The following FHIT variants were observed in gnomAD, a reference collection of about 807,000 sequenced individuals.
FHIT encodes the protein bis(5'-adenosyl)-triphosphatase.
Under a neutral mutation model 17.9 loss-of-function variants are expected in FHIT, and 19 were observed. The observed-to-expected ratio is 1.06, with a 90% confidence interval of 0.74 to 1.56. The LOEUF (loss-of-function observed/expected upper bound fraction) is 1.56, where lower values mean the gene tolerates loss of function less well. Among genes scored for constraint, FHIT ranks in the 40% most tolerant of loss-of-function variants. The pLI, the probability that FHIT is intolerant of heterozygous loss-of-function variation, is 0.00. For synonymous variants in FHIT, 81 were observed against 69.7 expected, an observed-to-expected ratio of 1.16 and a Z score of -0.81; for missense variants, 248 against 189.2, an observed-to-expected ratio of 1.31 and a Z score of -1.82.
intron 5 of FHIT, among the ~76,000 whole-genome samples, chr3:60,107,404 C>A (rs990700786): frequency 6.6e-6 from 1 of 152,064 alleles, no homozygotes; most frequent in Non-Finnish European, 1.5e-5. Flanking sequence ...CAAACTGAGG[C>A]AGGATAAAAT....
At chr3:60,336,814 G>T (rs1710261928) in intron 5 of FHIT, among the ~76,000 whole-genome samples, 1 of 151,714 alleles carries the variant, frequency 6.6e-6, no homozygotes, top group Non-Finnish European at 1.5e-5. Context: ...AAGCAAATAG[G>T]GCAGAGGAAG....
At chr3:60,082,208 A>G (rs1703317993) in intron 5 of FHIT, among the ~76,000 whole-genome samples, 1 of 151,514 alleles carries the variant, frequency 6.6e-6, no homozygotes, top group Admixed American at 6.6e-5. Context: ...CTCACTTATA[A>G]GAGAGAACAT....
At chr3:60,565,079 G>C (rs190548391) in intron 4 of FHIT, among the ~76,000 whole-genome samples, 1 of 152,076 alleles carries the variant, frequency 6.6e-6, no homozygotes, top group Non-Finnish European at 1.5e-5. Flanking sequence ...ATTGAGGCAA[G>C]ACCTTCCCAT....
At chr3:60,266,923 G>A (rs1706605355) in intron 5 of FHIT, among the ~76,000 whole-genome samples, 1 of 152,054 alleles carries the variant, frequency 6.6e-6, no homozygotes, top group African/African-American at 2.4e-5. Flanking sequence ...ATTACATCCA[G>A]AGAAATCAAA....
At chr3:61,071,280 T>A (rs1266432124) in intron 2 of FHIT, among the ~76,000 whole-genome samples, 2 of 152,146 alleles carry the variant, frequency 1.3e-5, no homozygotes, top group African/African-American at 2.4e-5. Flanking sequence ...GTCCAAACAC[T>A]CTCACACATT....
Position 60,214,817 on chromosome 3 carries a change from C to A in FHIT, c.104-200665G>T, listed in dbSNP as rs9824900. 2.0e-5 allele frequency among the ~76,000 whole-genome samples: 3 copies of A among 151,976 alleles called. No individual in the cohort carries two copies. In the East Asian group the frequency reaches 5.8e-4, roughly 29 times the overall value. ...AAGAAAATGTGGTACATATATACCA[C>A]AGAATACTATGCAGCTGTAAAAAAA... On this transcript the variant is annotated intron_variant, in intron 5 of 9. Coordinates refer to ENST00000492590, the MANE Select transcript of FHIT (RefSeq NM_002012.4).
At chr3:60,652,727 CAAAAAAAAAAAAA>C (rs782637479) in intron 4 of FHIT, among the ~76,000 whole-genome samples, 1 of 59,018 alleles carries the variant, frequency 1.7e-5, no homozygotes, top group African/African-American at 6.2e-5. Context: ...GACTCCATCT[CAAAAAAAAAAAAA>C]AAAAAAAAAA....
chr3:60,945,006 G>A (rs913430100), intron 3 of FHIT, among the ~76,000 whole-genome samples: 1 of 152,152 alleles, frequency 6.6e-6, no homozygotes, highest in African/African-American at 2.4e-5. Context: ...AGATGAACAT[G>A]AATTTATAAT....
chr3:61,095,225 T>C (rs1293346573), intron 2 of FHIT, among the ~76,000 whole-genome samples: 5 of 152,220 alleles, frequency 3.3e-5, no homozygotes, highest in Non-Finnish European at 7.3e-5. Flanking sequence ...ATAATATCTA[T>C]ACAATGTTGA....
intron 8 of FHIT, among the ~76,000 whole-genome samples, chr3:59,894,265 G>C (rs1703972985): frequency 6.6e-6 from 1 of 152,070 alleles, no homozygotes; most frequent in African/African-American, 2.4e-5. Flanking sequence ...CAAACAAAAT[G>C]ATCATAGATT....
chr3:60,178,766 C>T (rs113569457), intron 5 of FHIT, among the ~76,000 whole-genome samples: 3 of 152,116 alleles, frequency 2.0e-5, no homozygotes, highest in Non-Finnish European at 4.4e-5. Flanking sequence ...AAGACTTTCA[C>T]AGATCAAATA....
At chr3:60,871,602 C>T (rs782059990) in intron 3 of FHIT, among the ~76,000 whole-genome samples, 12 of 152,048 alleles carry the variant, frequency 7.9e-5, no homozygotes, top group African/African-American at 1.9e-4. Flanking sequence ...ACATATTTAA[C>T]GTGTAAGTCA....
At chr3:60,934,881 C>A (rs7652906) in intron 3 of FHIT, among the ~76,000 whole-genome samples, 90,251 of 151,234 alleles carry the variant, frequency 0.6, 27,165 homozygotes, top group East Asian at 0.67. Flanking sequence ...GCTGAGGTAA[C>A]AAATGCCAGA....
chr3:60,985,077 C>A (rs1309806669), intron 3 of FHIT, among the ~76,000 whole-genome samples: 1 of 152,146 alleles, frequency 6.6e-6, no homozygotes, highest in Non-Finnish European at 1.5e-5. Flanking sequence ...TCAGAAACCA[C>A]TGTATGTGCC....
chr3:60,999,986 C>A (rs1402815742), intron 3 of FHIT, among the ~76,000 whole-genome samples: 6 of 152,058 alleles, frequency 3.9e-5, no homozygotes, highest in African/African-American at 1.4e-4. Flanking sequence ...AGGCACTAAT[C>A]CCATCCATGA....
chr3:60,623,903 C>A (rs1202037187), intron 4 of FHIT, among the ~76,000 whole-genome samples: 2 of 152,218 alleles, frequency 1.3e-5, no homozygotes, highest in Non-Finnish European at 2.9e-5. Flanking sequence ...CCCCCCACTT[C>A]AGGATCTCCT....
intron 4 of FHIT, among the ~76,000 whole-genome samples, chr3:60,783,243 G>A (rs1306426213): frequency 1.3e-5 from 2 of 152,130 alleles, no homozygotes; most frequent in Non-Finnish European, 2.9e-5. Context: ...GGGGATGGGT[G>A]ACACATACAT....
chr3:60,732,928 G>C, intron 4 of FHIT, among the ~76,000 whole-genome samples: 1 of 152,018 alleles, frequency 6.6e-6, no homozygotes, highest in Non-Finnish European at 1.5e-5. Context: ...TCAGGTGATC[G>C]GCCCACCTCG....
intron 4 of FHIT, among the ~76,000 whole-genome samples, chr3:60,653,387 G>T (rs566971516): frequency 6.6e-6 from 1 of 151,974 alleles, no homozygotes; most frequent in East Asian, 1.9e-4. Context: ...AGGCAACGTT[G>T]GAAAAAATCT....
Sources: gnomAD v4.1 joint callset for allele counts (sites outside exome capture counted in the v4.1 genomes callset) on GRCh38, gnomAD v4.1.1 for gene constraint, MANE v1.5 for transcripts, NCBI Gene and HGNC (gene_info 2026-07-23, HGNC 2026-07-21) for gene names.